Variants in ZNF599 observed in about 807,000 individuals in gnomAD.
ZNF599 encodes zinc finger protein 599.
A neutral mutation model predicts 11.7 loss-of-function variants in ZNF599; 10 were observed. That is an observed-to-expected ratio of 0.86 (90% confidence interval 0.53 to 1.45). ZNF599 has a LOEUF of 1.45. Among genes scored for constraint, ZNF599 ranks in the 40% most tolerant of loss-of-function variants. The pLI, the probability that ZNF599 is intolerant of heterozygous loss-of-function variation, is 0.00. For missense variants in ZNF599, 688 were observed against 713.6 expected, an observed-to-expected ratio of 0.96 and a Z score of 0.41; for synonymous variants, 232 against 253.2, an observed-to-expected ratio of 0.92 and a Z score of 0.79.
At position 34,758,929 on chromosome 19, in the gene ZNF599, CT is replaced by C; in HGVS notation, c.*104del. ...AATTATCAGATACTAAGACATCTCT[CT>C]GGCCAAAATATTTCCCTCAATAGTT... On this transcript the variant is annotated 3_prime_UTR_variant, in exon 4 of 4. Transcript: ENST00000329285. The C allele has an allele frequency of 8.0e-7, 1 of 1,245,594 alleles. No homozygotes were observed. Among genetic ancestry groups the C allele is most frequent in the East Asian group, 2.4e-5 (1 of 42,408 alleles). 77.2% of individuals were successfully genotyped at this position (1,245,594 alleles called of 1,614,324 possible).
intron 2 of ZNF599, among the ~76,000 whole-genome samples, chr19:34,769,169 C>A (rs2069165400): frequency 6.6e-6 from 1 of 152,204 alleles, no homozygotes; most frequent in Non-Finnish European, 1.5e-5. Context: ...CCTCTTGTGG[C>A]AGTCTGGGAT....
At chr19:34,795,302 G>T in the ZNF599 span, among the ~76,000 whole-genome samples, 2 of 152,090 alleles carry the variant, frequency 1.3e-5, no homozygotes, top group African/African-American at 4.8e-5. Flanking sequence ...TTGAGACAAG[G>T]TCTCACTCTG....
At chr19:34,769,185 T>C (rs189632346) in intron 2 of ZNF599, among the ~76,000 whole-genome samples, 81 of 152,312 alleles carry the variant, frequency 5.3e-4, no homozygotes, top group Non-Finnish European at 7.1e-4. Context: ...GGGATAAAGA[T>C]GTCAGACTGA....
chr19:34,771,709 G>T (rs2069185102), intron 1 of ZNF599, among the ~76,000 whole-genome samples: 4 of 152,190 alleles, frequency 2.6e-5, no homozygotes. Context: ...TGGGTTAGAT[G>T]AAATCTAAGT....
Position 34,759,327 on chromosome 19 carries a change from A to C in ZNF599, c.1474T>G (p.Ser492Ala). The part of the protein sequence containing the change: ...KECAKAFYYS[S>A]SFTRHMRIHT... ...ATCCTCATGTGTCGAGTGAAGGAAG[A>C]GCTATAGTAAAAGGCTTTTGCACAT... is the stretch of plus-strand genomic sequence containing the variant. The change falls in exon 4 of 4, where the codon TCT becomes GCT. Residue 492 changes from serine to alanine, a missense_variant. By Grantham distance (99) the Ser-to-Ala change is moderately conservative. Coordinates refer to ENST00000329285, the MANE Select transcript of ZNF599 (RefSeq NM_001007248.3). 1 of 1,614,152 alleles carries C rather than the reference A, an allele frequency of 6.2e-7. No individual in the cohort carries two copies. The highest frequency in any genetic ancestry group is 8.5e-7 in the Non-Finnish European group (1 of 1,180,026).
chr19:34,767,197 C>T, intron 3 of ZNF599, 119 bp downstream of exon 3: 1 of 696,528 alleles, frequency 1.4e-6, no homozygotes, highest in Non-Finnish European at 2.5e-6. Context: ...ACCATGGGGT[C>T]AAGGGCTCCA....
the ZNF599 span, among the ~76,000 whole-genome samples, chr19:34,794,685 C>G: frequency 6.6e-6 from 1 of 152,050 alleles, no homozygotes; most frequent in East Asian, 1.9e-4. Context: ...ATCCTCCCAC[C>G]TCAGCCTTCC....
chr19:34,804,829 T>C, the ZNF599 span, among the ~76,000 whole-genome samples: 1 of 152,232 alleles, frequency 6.6e-6, no homozygotes. Flanking sequence ...CCTTTCTTCA[T>C]GGTCCAGGAC....
At chr19:34,762,496 A>G (rs1205055991) in intron 3 of ZNF599, among the ~76,000 whole-genome samples, 1 of 152,210 alleles carries the variant, frequency 6.6e-6, no homozygotes, top group African/African-American at 2.4e-5. Flanking sequence ...GAACTTTACT[A>G]AGAGAAACTC....
the ZNF599 span, among the ~76,000 whole-genome samples, chr19:34,784,031 AG>A: frequency 6.6e-5 from 10 of 152,182 alleles, no homozygotes; most frequent in African/African-American, 2.4e-4. Context: ...TTCATCTCCC[AG>A]GGTTGCTGAA....
chr19:34,769,681 G>T, intron 1 of ZNF599, 126 bp from the exon 2 acceptor site: 2 of 1,168,834 alleles, frequency 1.7e-6, no homozygotes, highest in Non-Finnish European at 2.4e-6. Context: ...GAACCACTGG[G>T]CTCTGTGGAG....
the ZNF599 span, among the ~76,000 whole-genome samples, chr19:34,804,268 C>A: frequency 6.6e-6 from 1 of 152,248 alleles, no homozygotes; most frequent in Non-Finnish European, 1.5e-5. Flanking sequence ...TGCCATCTTT[C>A]TTCAATTACT....
chr19:34,798,235 T>C, the ZNF599 span, among the ~76,000 whole-genome samples: 3 of 152,248 alleles, frequency 2.0e-5, no homozygotes, highest in Non-Finnish European at 4.4e-5. Flanking sequence ...TACAATTGTA[T>C]TAGATAAATG....
chr19:34,786,731 A>G, the ZNF599 span, among the ~76,000 whole-genome samples: 1 of 152,030 alleles, frequency 6.6e-6, no homozygotes, highest in African/African-American at 2.4e-5. Context: ...CTTCCTCCTA[A>G]AGGAGCCACA....
chr19:34,797,340 T>G, the ZNF599 span, among the ~76,000 whole-genome samples: 6 of 152,180 alleles, frequency 3.9e-5, no homozygotes, highest in Admixed American at 1.3e-4. Flanking sequence ...GTAGTGGGAT[T>G]GCTGGGTCAA....
chr19:34,792,817 C>T, the ZNF599 span, among the ~76,000 whole-genome samples: 5 of 151,454 alleles, frequency 3.3e-5, no homozygotes, highest in East Asian at 3.9e-4. Context: ...GAGCGGAGAT[C>T]GCACCACTGC....
chr19:34,803,124 G>A, the ZNF599 span, among the ~76,000 whole-genome samples: 2 of 152,114 alleles, frequency 1.3e-5, no homozygotes, highest in African/African-American at 2.4e-5. Context: ...AAAGGCTGAC[G>A]GCAAGACTCC....
Position 34,769,411 on chromosome 19 carries a change from A to T in ZNF599, c.145+18T>A, listed in dbSNP as rs369547938. On this transcript the variant is annotated intron_variant, in intron 2 of 3. Transcript: ENST00000329285. ...AGAGGCTGTGGGTCCCCTACATGGG[A>T]GGGTAATGAGGTCTTACCCAGTGAG... 224 of 1,613,906 alleles carry T rather than the reference A, an allele frequency of 1.4e-4. No homozygotes were observed. Among genetic ancestry groups the T allele is most frequent in the Non-Finnish European group, 1.8e-4 (215 of 1,179,964 alleles).
the ZNF599 span, among the ~76,000 whole-genome samples, chr19:34,795,898 C>T: frequency 6.6e-6 from 1 of 151,978 alleles, no homozygotes; most frequent in East Asian, 1.9e-4. Context: ...CTCAGCTCAC[C>T]GCAACCTCTG....
Sources: allele counts gnomAD v4.1 joint callset (sites outside exome capture counted in the v4.1 genomes callset), GRCh38; gene constraint gnomAD v4.1.1; transcripts MANE v1.5; gene names NCBI Gene and HGNC (gene_info 2026-07-23, HGNC 2026-07-21).